Variants in C7orf33 observed in about 807,000 individuals in gnomAD.
C7orf33 encodes uncharacterized protein C7orf33.
C7orf33 carries 15 observed loss-of-function variants against 13.4 expected under a neutral mutation model. That is an observed-to-expected ratio of 1.12 (90% CI 0.75 to 1.72). The LOEUF is 1.72. Ranked by LOEUF, C7orf33 falls within the 40% of genes most tolerant of loss-of-function variation. The pLI, the probability that C7orf33 is intolerant of heterozygous loss-of-function variation, is 0.00. For synonymous variants in C7orf33, 73 were observed against 83.2 expected (o/e 0.88, Z 0.67); for missense variants, 187 against 220.3 (o/e 0.85, Z 0.96).
chr7:148,613,082 G>C (rs1019551761), intron 1 of C7orf33, among the ~76,000 whole-genome samples: 1 of 152,078 alleles, frequency 6.6e-6, no homozygotes, highest in African/African-American at 2.4e-5. Flanking sequence ...CAGAACAGCA[G>C]AACTCATTTC....
At chr7:148,608,211 C>T (rs1158324562) in intron 1 of C7orf33, among the ~76,000 whole-genome samples, 1 of 152,142 alleles carries the variant, frequency 6.6e-6, no homozygotes, top group Non-Finnish European at 1.5e-5. Context: ...AGGCGGATCA[C>T]GAGGTCAAGA....
In C7orf33 at chr7:148,615,377, G is replaced by A; in HGVS notation, c.510G>A (p.Arg170=). Residue 170 remains arginine (R), a synonymous_variant, in exon 3 of 3, where the codon AGG becomes AGA. Transcript: ENST00000307003. Reference sequence around the variant, plus strand: ...TCCAGAATTCTGTTGAGGCCACAAGGATTTCCAGAACTGACAGCAGTTAAG... The same window carrying A: ...TCCAGAATTCTGTTGAGGCCACAAGAATTTCCAGAACTGACAGCAGTTAAG... ...RKLQNSVEAT[R]ISRTDSS The A allele has an allele frequency of 6.2e-7, 1 of 1,613,270 alleles. No individual in the cohort carries two copies. The highest frequency in any genetic ancestry group is 8.5e-7 in the Non-Finnish European group (1 of 1,179,258).
At chr7:148,602,981 G>T (rs760634159) in intron 1 of C7orf33, among the ~76,000 whole-genome samples, 1 of 151,980 alleles carries the variant, frequency 6.6e-6, no homozygotes, top group Non-Finnish European at 1.5e-5. Flanking sequence ...TCTCCAAAAG[G>T]CATAAAGATC....
intron 1 of C7orf33, among the ~76,000 whole-genome samples, chr7:148,613,032 A>G: frequency 6.6e-6 from 1 of 152,160 alleles, no homozygotes; most frequent in Non-Finnish European, 1.5e-5. Context: ...TTGAGAATAT[A>G]GAATAAATTA....
intron 1 of C7orf33, among the ~76,000 whole-genome samples, chr7:148,603,123 C>T (rs887511469): frequency 6.6e-6 from 1 of 152,168 alleles, no homozygotes; most frequent in African/African-American, 2.4e-5. Flanking sequence ...CCAGAGCCCA[C>T]ACTGAAGCAG....
At chr7:148,593,959 C>T (rs1468766315) in intron 1 of C7orf33, among the ~76,000 whole-genome samples, 6 of 152,120 alleles carry the variant, frequency 3.9e-5, no homozygotes, top group African/African-American at 9.7e-5. Context: ...TGGTGCTGTC[C>T]TTGCGATAGT....
chr7:148,601,605 C>T (rs1796415570), intron 1 of C7orf33, among the ~76,000 whole-genome samples: 1 of 152,168 alleles, frequency 6.6e-6, no homozygotes, highest in Non-Finnish European at 1.5e-5. Context: ...CCTTGGTCTC[C>T]CAAAGTGCTG....
At chr7:148,594,460 A>G (rs938660936) in intron 1 of C7orf33, among the ~76,000 whole-genome samples, 1 of 152,006 alleles carries the variant, frequency 6.6e-6, no homozygotes, top group Non-Finnish European at 1.5e-5. Flanking sequence ...ACAGGCGTGA[A>G]CCACCGCGCC....
At chr7:148,598,727 T>G (rs1217891239) in intron 1 of C7orf33, among the ~76,000 whole-genome samples, 336 of 22,556 alleles carry the variant, frequency 0.015, 3 homozygotes, top group African/African-American at 0.036. Context: ...CATTCCTGGA[T>G]ATATATATAT....
At chr7:148,604,309 TAG>T in intron 1 of C7orf33, among the ~76,000 whole-genome samples, 1 of 152,000 alleles carries the variant, frequency 6.6e-6, no homozygotes, top group Admixed American at 6.6e-5. Context: ...GTATTTTCAG[TAG>T]AGAGAGAGTT....
At position 148,594,171 on chromosome 7, in the gene C7orf33, C is replaced by CTTT. The variant is rs940143798; in HGVS notation, c.204+3059_204+3061dup. 1.3e-3 allele frequency among the ~76,000 whole-genome samples: 167 copies of CTTT among 129,292 alleles called. 3 individuals carry two copies. Among genetic ancestry groups the CTTT allele is most frequent in the African/African-American group, 4.7e-3 (159 of 34,160 alleles). The allele number at this position is 129,292 out of a possible 152,430, so 84.8% of individuals were successfully genotyped here. A position where few individuals can be genotyped will look rare whatever the true frequency, so the allele number is the denominator to read the frequency against. ...ACCATGAGCCAATTAAACCTCTTTTCTTTTTTTTTTTTTTTTTTTCTGAGA... is the reference window on the plus strand; with the variant it reads ...ACCATGAGCCAATTAAACCTCTTTTCTTTTTTTTTTTTTTTTTTTTTTCTGAGA... On this transcript the variant is annotated intron_variant, in intron 1 of 2. Coordinates refer to ENST00000307003, the MANE Select transcript of C7orf33 (RefSeq NM_145304.4).
chr7:148,601,022 T>C lies in C7orf33; in HGVS notation c.204+9893T>C, dbSNP rs573051851. Among the ~76,000 whole-genome samples the C allele has an allele frequency of 2.0e-5, 3 of 152,232 alleles. No homozygotes were observed. The East Asian group carries it at 5.8e-4, about 29-fold the overall frequency. ...TTTCACCATGTTAGCCAGGATGGTC[T>C]CGATCTCCTGACCTCATGATCTGCC... On this transcript the variant is annotated intron_variant, in intron 1 of 2. Transcript: ENST00000307003.
chr7:148,591,149 A>G lies in C7orf33; in HGVS notation c.204+20A>G, dbSNP rs1020398498. On this transcript the variant is annotated intron_variant, in intron 1 of 2. Transcript: ENST00000307003. ...CATAAGGTAAGTTAATGATTCTAAG[A>G]TGAATCAACTGCTCTTTGAGTCAGT... 6.4e-7 allele frequency: 1 copy of G among 1,562,440 alleles called. No individual in the cohort carries two copies. Among genetic ancestry groups the G allele is most frequent in the East Asian group, 2.2e-5 (1 of 44,676 alleles).
chr7:148,599,878 C>T lies in C7orf33; in HGVS notation c.204+8749C>T, dbSNP rs548117908. Among the ~76,000 whole-genome samples, 9 of 152,318 alleles carry T rather than the reference C, an allele frequency of 5.9e-5. No homozygotes were observed. In the East Asian group the frequency reaches 1.7e-3, roughly 29 times the overall value. ...CTCTCTTCCCATCTCCAGCTCTGCC[C>T]TGCACCTCAAGGACCTCCTGAGTGT... On this transcript the variant is annotated intron_variant, in intron 1 of 2. Transcript: ENST00000307003.
chr7:148,595,607 T>TA (rs1796326791), intron 1 of C7orf33, among the ~76,000 whole-genome samples: 1 of 122,966 alleles, frequency 8.1e-6, no homozygotes, highest in Admixed American at 8.8e-5. Flanking sequence ...GATATACATA[T>TA]TATATATATT....
chr7:148,600,752 G>T (rs7794872), intron 1 of C7orf33, among the ~76,000 whole-genome samples: 53,473 of 149,974 alleles, frequency 0.36, 12,024 homozygotes, highest in African/African-American at 0.64. Context: ...GACCAGCTTT[G>T]GGCTTGATTC....
At chr7:148,614,685 T>C (rs759502180) in intron 2 of C7orf33, among the ~76,000 whole-genome samples, 17 of 152,214 alleles carry the variant, frequency 1.1e-4, no homozygotes, top group Admixed American at 4.6e-4. Context: ...CAGGAAGCTA[T>C]GGCTTCGGTC....
chr7:148,606,695 T>C (rs1796476092), intron 1 of C7orf33, among the ~76,000 whole-genome samples: 1 of 152,160 alleles, frequency 6.6e-6, no homozygotes, highest in Admixed American at 6.5e-5. Flanking sequence ...CAAGTGATTC[T>C]CCTGCCTCAG....
intron 1 of C7orf33, among the ~76,000 whole-genome samples, chr7:148,594,981 T>C (rs1236785210): frequency 3.3e-5 from 5 of 152,068 alleles, no homozygotes. Context: ...TGCTTGGCCC[T>C]GGGAATCATT....
Sources: allele counts gnomAD v4.1 joint callset (sites outside exome capture counted in the v4.1 genomes callset), GRCh38; gene constraint gnomAD v4.1.1; transcripts MANE v1.5; gene names NCBI Gene and HGNC (gene_info 2026-07-23, HGNC 2026-07-21).